Variants in FMN2 observed in about 807,000 individuals in gnomAD.
FMN2 encodes the protein formin-2.
Under a neutral mutation model 142.3 loss-of-function variants are expected in FMN2, and 51 were observed. That is an observed-to-expected ratio of 0.36 (90% CI 0.29 to 0.45). The LOEUF is 0.45. Ranked by LOEUF, FMN2 falls within the 20% of genes least tolerant of loss-of-function variation. FMN2 has a pLI of 1.00. For synonymous variants in FMN2, 882 were observed against 869.8 expected (o/e 1.01, Z -0.25); for missense variants, 1,936 against 2,122.8 (o/e 0.91, Z 1.73).
chr1:240,342,108 G>T (rs536966708), intron 13 of FMN2, among the ~76,000 whole-genome samples: 1 of 152,048 alleles, frequency 6.6e-6, no homozygotes, highest in Admixed American at 6.6e-5. Flanking sequence ...TTCTACTTCC[G>T]CCCTGTTTAT....
intron 15 of FMN2, among the ~76,000 whole-genome samples, chr1:240,430,131 C>T (rs1175966673): frequency 6.6e-6 from 1 of 152,042 alleles, no homozygotes; most frequent in Non-Finnish European, 1.5e-5. Context: ...CATGATCCGC[C>T]CGCCTCGGCC....
At chr1:240,435,385 TAA>T (rs569151164) in intron 15 of FMN2, among the ~76,000 whole-genome samples, 3 of 141,234 alleles carry the variant, frequency 2.1e-5, no homozygotes, top group African/African-American at 2.6e-5. Flanking sequence ...TACTGGTAAC[TAA>T]AAAAAAAAAA....
intron 7 of FMN2, among the ~76,000 whole-genome samples, chr1:240,285,507 G>A (rs182063608): frequency 7.2e-5 from 11 of 152,126 alleles, no homozygotes; most frequent in South Asian, 2.1e-4. Flanking sequence ...CCACCAAGGC[G>A]GTGAGTGTAG....
At chr1:240,445,936 A>C (rs988976451) in intron 16 of FMN2, among the ~76,000 whole-genome samples, 4 of 152,118 alleles carry the variant, frequency 2.6e-5, no homozygotes, top group Non-Finnish European at 5.9e-5. Context: ...ATCTACATAG[A>C]TTTGCTGTTC....
chr1:240,442,628 T>C (rs753338789), intron 16 of FMN2, among the ~76,000 whole-genome samples: 12 of 152,222 alleles, frequency 7.9e-5, no homozygotes, highest in Admixed American at 3.3e-4. Context: ...GTTTGGTGTA[T>C]ATAGATTGAA....
chr1:240,418,172 T>C (rs1300030474), intron 15 of FMN2, among the ~76,000 whole-genome samples: 1 of 151,950 alleles, frequency 6.6e-6, no homozygotes, highest in African/African-American at 2.4e-5. Flanking sequence ...TGTTTAATAG[T>C]TGTTTTAAAT....
intron 8 of FMN2, among the ~76,000 whole-genome samples, chr1:240,300,228 A>G (rs1393895318): frequency 6.6e-6 from 1 of 152,182 alleles, no homozygotes; most frequent in Admixed American, 6.5e-5. Flanking sequence ...CAGGTAAGGG[A>G]AGGCTAGGAA....
At chr1:240,211,402 A>G (rs1274363612) in intron 6 of FMN2, among the ~76,000 whole-genome samples, 167 bp downstream of exon 6, 2 of 152,244 alleles carry the variant, frequency 1.3e-5, no homozygotes, top group Non-Finnish European at 2.9e-5. Context: ...AGACTAGCCC[A>G]AATAGAACAA....
chr1:240,180,995 C>T (rs1326013612), intron 3 of FMN2, among the ~76,000 whole-genome samples: 13 of 150,948 alleles, frequency 8.6e-5, no homozygotes, highest in African/African-American at 3.2e-4. Flanking sequence ...TTGTTTTTTT[C>T]AGCTCATTTT....
intron 6 of FMN2, among the ~76,000 whole-genome samples, chr1:240,254,203 C>G (rs1334681970): frequency 1.3e-5 from 2 of 152,014 alleles, no homozygotes; most frequent in Non-Finnish European, 2.9e-5. Context: ...TGAGACAAGC[C>G]TTAGGCTCCC....
chr1:240,341,796 T>C (rs915825576), intron 13 of FMN2, among the ~76,000 whole-genome samples: 6 of 152,208 alleles, frequency 3.9e-5, no homozygotes, highest in African/African-American at 1.4e-4. Flanking sequence ...CCTGTGGGCA[T>C]ATTAGGTTTA....
At chr1:240,140,850 C>T (rs116374546) in intron 2 of FMN2, among the ~76,000 whole-genome samples, 1,537 of 152,150 alleles carry the variant, frequency 0.01, 24 homozygotes, top group African/African-American at 0.035. Flanking sequence ...ATAAAAACAC[C>T]AAAACTGAAG....
At chr1:240,237,078 C>T (rs1667736250) in intron 6 of FMN2, among the ~76,000 whole-genome samples, 2 of 152,134 alleles carry the variant, frequency 1.3e-5, no homozygotes, top group Admixed American at 1.3e-4. Context: ...TTTCACATAG[C>T]TGGGAATAGT....
chr1:240,330,573 G>T, intron 10 of FMN2, 30 bp from the exon 11 acceptor site: 1 of 1,601,214 alleles, frequency 6.2e-7, no homozygotes. Context: ...TAAGATAAAA[G>T]TTGTTTTTTG....
At chr1:240,438,408 C>T (rs1172014111) in intron 16 of FMN2, among the ~76,000 whole-genome samples, 198 bp downstream of exon 16, 1 of 152,094 alleles carries the variant, frequency 6.6e-6, no homozygotes, top group African/African-American at 2.4e-5. Flanking sequence ...TGGGATGCTA[C>T]AGAGAGTAAC....
intron 13 of FMN2, among the ~76,000 whole-genome samples, chr1:240,351,134 C>G (rs191957931): frequency 6.6e-6 from 1 of 152,278 alleles, no homozygotes; most frequent in East Asian, 1.9e-4. Context: ...CCTGAACTAT[C>G]AGTGGTGGAC....
chr1:240,125,990 C>G (rs1381294699), intron 2 of FMN2, among the ~76,000 whole-genome samples: 5 of 152,264 alleles, frequency 3.3e-5, no homozygotes, highest in Admixed American at 1.3e-4. Flanking sequence ...CCTCTCTACT[C>G]CCCCATCAAA....
chr1:240,103,323 C>T (rs554974237), intron 1 of FMN2, among the ~76,000 whole-genome samples: 51 of 152,310 alleles, frequency 3.3e-4, no homozygotes, highest in African/African-American at 1.2e-3. Context: ...CCCTGATTTC[C>T]TTTTGTATGT....
chr1:240,320,125 G>T (rs1670922824), intron 8 of FMN2, among the ~76,000 whole-genome samples: 1 of 152,144 alleles, frequency 6.6e-6, no homozygotes, highest in Admixed American at 6.6e-5. Context: ...TAAATCTTGA[G>T]AAAGGAATAT....
Sources: allele counts gnomAD v4.1 joint callset (sites outside exome capture counted in the v4.1 genomes callset), GRCh38; gene constraint gnomAD v4.1.1; transcripts MANE v1.5; gene names NCBI Gene and HGNC (gene_info 2026-07-23, HGNC 2026-07-21).